Variants in ADAMTS17 observed in about 807,000 individuals in gnomAD.
ADAMTS17 encodes A disintegrin and metalloproteinase with thrombospondin motifs 17.
ADAMTS17 carries 113 observed loss-of-function variants against 141.5 expected under a neutral mutation model. The ratio of observed to expected loss-of-function variants is 0.80; its 90% CI spans 0.69 to 0.93. The LOEUF is 0.93. Ranked by LOEUF, ADAMTS17 falls within the 40% of genes least tolerant of loss-of-function variation. The pLI is 0.00. For synonymous variants in ADAMTS17, 768 were observed against 630.6 expected (o/e 1.22, Z -3.27); for missense variants, 1,659 against 1,517.9 (o/e 1.09, Z -1.54).
chr15:100,100,908 A>G (rs1278888056), intron 14 of ADAMTS17, among the ~76,000 whole-genome samples: 3 of 150,756 alleles, frequency 2.0e-5, no homozygotes, highest in African/African-American at 7.3e-5. Flanking sequence ...AGTGAATCCA[A>G]CCCCCTCCAG....
intron 10 of ADAMTS17, among the ~76,000 whole-genome samples, chr15:100,141,635 G>C (rs1309180704): frequency 1.3e-5 from 2 of 152,138 alleles, no homozygotes; most frequent in African/African-American, 2.4e-5. Flanking sequence ...ATGTTCCTGA[G>C]GGCTACAGAG....
At position 100,000,616 on chromosome 15, in the gene ADAMTS17, C is replaced by T. The variant is rs112154601; in HGVS notation, c.2592-3027G>A. On this transcript the variant is annotated intron_variant, in intron 18 of 21. Transcript: ENST00000268070. The stretch of plus-strand genomic sequence containing the variant: ...GCAACCTCCACCTCCCAGGTTCAAG[C>T]GATTTTCCTGCCTCAGCCTCCTGAG... Among the ~76,000 whole-genome samples the T allele has an allele frequency of 6.3e-3, 953 of 152,296 alleles. 7 individuals are homozygous for T. Among genetic ancestry groups the T allele is most frequent in the African/African-American group, 0.022 (906 of 41,552 alleles).
At chr15:100,242,635 C>A (rs988312766) in intron 7 of ADAMTS17, among the ~76,000 whole-genome samples, 1 of 152,158 alleles carries the variant, frequency 6.6e-6, no homozygotes, top group Non-Finnish European at 1.5e-5. Context: ...TCAAACCCTG[C>A]ACTATTTGTG....
At chr15:100,152,811 T>G in intron 9 of ADAMTS17, 49 bp from the exon 10 acceptor site, 2 of 1,595,970 alleles carry the variant, frequency 1.3e-6, no homozygotes, top group Non-Finnish European at 1.7e-6. Context: ...TGCCTAGGTT[T>G]TTTTGTTTTC....
intron 15 of ADAMTS17, among the ~76,000 whole-genome samples, chr15:100,061,296 GC>G (rs1271949117): frequency 6.6e-6 from 1 of 152,194 alleles, no homozygotes. Context: ...GAGACACCAA[GC>G]CCCCTGAAGC....
At chr15:100,106,959 G>A (rs1336670703) in intron 14 of ADAMTS17, among the ~76,000 whole-genome samples, 2 of 152,210 alleles carry the variant, frequency 1.3e-5, no homozygotes, top group African/African-American at 4.8e-5. Context: ...CCCTCCCCGT[G>A]AGGTTGCTGT....
At chr15:100,056,265 C>G (rs2032555513) in intron 15 of ADAMTS17, among the ~76,000 whole-genome samples, 1 of 152,138 alleles carries the variant, frequency 6.6e-6, no homozygotes, top group Non-Finnish European at 1.5e-5. Context: ...AGAAAATTGT[C>G]TCTTGCATAT....
chr15:99,991,726 C>T (rs1057320299), intron 20 of ADAMTS17, among the ~76,000 whole-genome samples: 7 of 152,140 alleles, frequency 4.6e-5, no homozygotes, highest in South Asian at 2.1e-4. Flanking sequence ...TGCACACATA[C>T]GTTTACTGCG....
chr15:100,327,143 G>A (rs2045924857), intron 3 of ADAMTS17, among the ~76,000 whole-genome samples: 1 of 152,118 alleles, frequency 6.6e-6, no homozygotes, highest in East Asian at 1.9e-4. Flanking sequence ...TTCCAATAAT[G>A]GAACACTAGG....
intron 19 of ADAMTS17, among the ~76,000 whole-genome samples, chr15:99,996,752 G>A (rs934851599): frequency 5.3e-5 from 8 of 152,084 alleles, no homozygotes; most frequent in African/African-American, 1.9e-4. Flanking sequence ...CCTGAGGGAA[G>A]CCTGCCCTTT....
At chr15:100,098,267 G>T (rs1467649685) in intron 14 of ADAMTS17, among the ~76,000 whole-genome samples, 1 of 151,856 alleles carries the variant, frequency 6.6e-6, no homozygotes, top group African/African-American at 2.4e-5. Flanking sequence ...CTGTGATGAG[G>T]CACCGTGAGC....
chr15:100,197,932 C>T (rs1467597943), intron 8 of ADAMTS17, among the ~76,000 whole-genome samples: 1 of 152,112 alleles, frequency 6.6e-6, no homozygotes, highest in African/African-American at 2.4e-5. Context: ...GAACAGAAAA[C>T]CAAACACCGC....
chr15:100,185,615 C>T (rs140587586), intron 8 of ADAMTS17, among the ~76,000 whole-genome samples: 1 of 152,170 alleles, frequency 6.6e-6, no homozygotes, highest in African/African-American at 2.4e-5. Flanking sequence ...ATGTTAAGAA[C>T]CCTCTTCCAC....
chr15:100,073,584 T>TA (rs910527788), intron 15 of ADAMTS17, among the ~76,000 whole-genome samples: 1 of 151,812 alleles, frequency 6.6e-6, no homozygotes, highest in Non-Finnish European at 1.5e-5. Flanking sequence ...TATGCAGCCA[T>TA]AAAAAATGAT....
chr15:100,220,333 C>T (rs8030414), intron 7 of ADAMTS17, among the ~76,000 whole-genome samples: 27,895 of 152,040 alleles, frequency 0.18, 2,719 homozygotes, highest in Non-Finnish European at 0.22. Flanking sequence ...GGGGTGGCAG[C>T]GGAAGCATAT....
At chr15:99,984,679 C>T (rs1047745292) in intron 20 of ADAMTS17, among the ~76,000 whole-genome samples, 1 of 152,210 alleles carries the variant, frequency 6.6e-6, no homozygotes, top group African/African-American at 2.4e-5. Context: ...GGATGATGCC[C>T]ACACAAGGTG....
intron 7 of ADAMTS17, among the ~76,000 whole-genome samples, chr15:100,207,222 T>A (rs926697859): frequency 9.2e-5 from 14 of 151,926 alleles, no homozygotes; most frequent in Non-Finnish European, 2.1e-4. Flanking sequence ...TCTTTCCCTC[T>A]CTCCAAGTGA....
intron 4 of ADAMTS17, among the ~76,000 whole-genome samples, chr15:100,278,511 A>C (rs1016757145): frequency 6.6e-6 from 1 of 152,118 alleles, no homozygotes; most frequent in Non-Finnish European, 1.5e-5. Flanking sequence ...TGGCAAGTGT[A>C]CCTTGCAGAA....
chr15:100,079,800 T>C (rs570192218), intron 15 of ADAMTS17, among the ~76,000 whole-genome samples: 2 of 152,292 alleles, frequency 1.3e-5, no homozygotes, highest in African/African-American at 2.4e-5. Flanking sequence ...TCCACCATCA[T>C]GGTATTCCAC....
Sources: gnomAD v4.1 joint callset for allele counts (sites outside exome capture counted in the v4.1 genomes callset) on GRCh38, gnomAD v4.1.1 for gene constraint, MANE v1.5 for transcripts, NCBI Gene and HGNC (gene_info 2026-07-23, HGNC 2026-07-21) for gene names.